Variants in TBL1X observed in about 807,000 individuals in gnomAD.
TBL1X encodes transducin beta like 1 X-linked.
In TBL1X, 10 loss-of-function variants were observed where a neutral mutation model predicts 50.7. The ratio of observed to expected loss-of-function variants is 0.20; its 90% CI spans 0.12 to 0.33. TBL1X has a LOEUF of 0.33. TBL1X is among the 10% of genes least tolerant of loss of function. TBL1X has a pLI of 1.00. For missense variants in TBL1X, 340 were observed against 504.4 expected, an observed-to-expected ratio of 0.67 and a Z score of 3.12; for synonymous variants, 190 against 214.7, an observed-to-expected ratio of 0.88 and a Z score of 1.01.
At chrX:9,511,712 C>A (rs993844558) in intron 2 of TBL1X, among the ~76,000 whole-genome samples, 2 of 112,421 alleles carry the variant, frequency 1.8e-5, no homozygotes, top group Non-Finnish European at 3.8e-5. Flanking sequence ...TTTGCAACAT[C>A]ATACTTTGGA....
intron 2 of TBL1X, among the ~76,000 whole-genome samples, chrX:9,513,683 G>C (rs1156481781): frequency 9.0e-6 from 1 of 111,192 alleles, no homozygotes; most frequent in South Asian, 3.7e-4. Flanking sequence ...TCACAGCTTG[G>C]GGAGGGAGTG....
intron 5 of TBL1X, among the ~76,000 whole-genome samples, chrX:9,659,825 G>A (rs949064231): frequency 4.5e-5 from 5 of 112,284 alleles, no homozygotes; most frequent in Non-Finnish European, 7.5e-5. Flanking sequence ...TAGCTCTGGC[G>A]TATATATCTG....
At chrX:9,653,718 C>T in intron 4 of TBL1X, 29 bp downstream of exon 4, 2 of 1,137,753 alleles carry the variant, frequency 1.8e-6, no homozygotes, top group Non-Finnish European at 2.4e-6. Flanking sequence ...TGGCCAGGAC[C>T]GTGTGGTCAC....
At chrX:9,535,075 T>C (rs1236954463) in intron 2 of TBL1X, 1 of 111,602 alleles carries the variant, frequency 9.0e-6, no homozygotes, top group African/African-American at 3.3e-5. Context: ...CTCTTTTTTT[T>C]TAAAGAGGCC....
chrX:9,614,419 G>A lies in TBL1X; in HGVS notation c.-130-25854G>A, dbSNP rs187176904. ...CCCATCTCTACAAAAAAAATTAGCC[G>A]GATGTGTTGATGCACACCTGTAGTC... On this transcript the variant is annotated intron_variant, in intron 2 of 17. Transcript: ENST00000645353. Among the ~76,000 whole-genome samples, 34 of 111,178 alleles carry A rather than the reference G, an allele frequency of 3.1e-4. No individual in the cohort carries two copies. The East Asian group carries it at 8.8e-3, about 29-fold the overall frequency.
chrX:9,592,271 C>T (rs149278383), intron 2 of TBL1X, among the ~76,000 whole-genome samples: 365 of 111,644 alleles, frequency 3.3e-3, no homozygotes, highest in African/African-American at 0.011. Flanking sequence ...ATGCACTAAG[C>T]GGCATTTTAA....
At position 9,486,859 on chromosome X, in the gene TBL1X, T is replaced by G. The variant is rs376010500; in HGVS notation, c.-200-14921T>G. On this transcript the variant is annotated intron_variant, in intron 1 of 17. Coordinates refer to ENST00000645353, the MANE Select transcript of TBL1X (RefSeq NM_005647.4). ...AGAGCAGCTTTAAATTACTGTGGACTCTTTGTTGCAAAAGCATCTTCTTGA... is the reference window on the plus strand; with the variant it reads ...AGAGCAGCTTTAAATTACTGTGGACGCTTTGTTGCAAAAGCATCTTCTTGA... 1.4e-4 allele frequency among the ~76,000 whole-genome samples: 16 copies of G among 111,584 alleles called. No individual in the cohort carries two copies. In the East Asian group the frequency reaches 3.7e-3, roughly 26 times the overall value.
chrX:9,484,595 T>A (rs756917804), intron 1 of TBL1X, among the ~76,000 whole-genome samples: 9 of 111,495 alleles, frequency 8.1e-5, no homozygotes, highest in Non-Finnish European at 1.7e-4. Flanking sequence ...ACTAACTCAT[T>A]CCTCTATTGC....
intron 2 of TBL1X, among the ~76,000 whole-genome samples, chrX:9,512,742 T>C (rs1227184958): frequency 2.7e-5 from 3 of 111,096 alleles, no homozygotes; most frequent in Non-Finnish European, 5.7e-5. Context: ...CAGGTGATCC[T>C]CCCGCCTCAG....
intron 16 of TBL1X, among the ~76,000 whole-genome samples, chrX:9,713,338 C>T (rs777674265): frequency 5.4e-5 from 6 of 110,897 alleles, no homozygotes; most frequent in South Asian, 3.8e-4. Context: ...AAAACAATGA[C>T]ATGATCAGTT....
intron 2 of TBL1X, among the ~76,000 whole-genome samples, chrX:9,547,134 A>G (rs1182969340): frequency 9.1e-6 from 1 of 109,990 alleles, no homozygotes; most frequent in Admixed American, 9.6e-5. Flanking sequence ...TTAATTTTTA[A>G]AAGTGTGTTA....
intron 2 of TBL1X, among the ~76,000 whole-genome samples, chrX:9,607,812 T>G (rs1023333524): frequency 9.1e-6 from 1 of 109,921 alleles, no homozygotes; most frequent in Admixed American, 9.7e-5. Flanking sequence ...TTTAAGTTGA[T>G]TTATTTATTT....
intron 11 of TBL1X, among the ~76,000 whole-genome samples, chrX:9,695,714 G>T (rs2083127617): frequency 4.5e-5 from 5 of 111,941 alleles, no homozygotes; most frequent in Admixed American, 3.8e-4. Flanking sequence ...ACACACAGCT[G>T]GTGCAGAGTA....
intron 2 of TBL1X, among the ~76,000 whole-genome samples, chrX:9,639,375 G>A (rs755706779): frequency 9.0e-6 from 1 of 111,415 alleles, no homozygotes; most frequent in South Asian, 3.7e-4. Flanking sequence ...AGAGAAAATG[G>A]TGGACATTTA....
At position 9,492,973 on chromosome X, in the gene TBL1X, G is replaced by A. The variant is rs756085733; in HGVS notation, c.-200-8807G>A. On this transcript the variant is annotated intron_variant, in intron 1 of 17. Transcript: ENST00000645353. ...ACATGCTTTTGAGGACAAGCAATGC[G>A]ATTTTGGCATTGGCTGGGTTTCTGA... Among the ~76,000 whole-genome samples the A allele has an allele frequency of 4.6e-5, 5 of 108,667 alleles. No homozygotes were observed. In the South Asian group the frequency reaches 1.2e-3, roughly 27 times the overall value. 94.4% of individuals were successfully genotyped at this position (108,667 alleles called of 115,157 possible).
At chrX:9,625,874 C>T (rs752090598) in intron 2 of TBL1X, among the ~76,000 whole-genome samples, 6 of 111,980 alleles carry the variant, frequency 5.4e-5, no homozygotes, top group Non-Finnish European at 1.1e-4. Context: ...GGCGGGGGGG[C>T]GGAGGTTACA....
At chrX:9,619,554 A>AT (rs1211355314) in intron 2 of TBL1X, among the ~76,000 whole-genome samples, 1 of 112,461 alleles carries the variant, frequency 8.9e-6, no homozygotes, top group Non-Finnish European at 1.9e-5. Context: ...GTAAAAACTG[A>AT]TTCACACTTA....
chrX:9,695,077 G>A (rs1444803544), intron 11 of TBL1X, among the ~76,000 whole-genome samples: 1 of 112,429 alleles, frequency 8.9e-6, no homozygotes, highest in Non-Finnish European at 1.9e-5. Context: ...GCAAACTGTG[G>A]CCCACATAGG....
chrX:9,574,383 G>A (rs1323625356), intron 2 of TBL1X, among the ~76,000 whole-genome samples: 2 of 100,092 alleles, frequency 2.0e-5, no homozygotes, highest in African/African-American at 7.4e-5. Flanking sequence ...GAGCCTAAGA[G>A]TTCGAGGCTA....
Sources: gnomAD v4.1 joint callset for allele counts (sites outside exome capture counted in the v4.1 genomes callset) on GRCh38, gnomAD v4.1.1 for gene constraint, MANE v1.5 for transcripts, NCBI Gene and HGNC (gene_info 2026-07-23, HGNC 2026-07-21) for gene names.